TBC1D32: variants seen among roughly 807,000 people sequenced by gnomAD.
TBC1D32 encodes protein broad-minded.
In TBC1D32, 151 loss-of-function variants were observed where a neutral mutation model predicts 170.3. The ratio of observed to expected loss-of-function variants is 0.89; its 90% CI spans 0.78 to 1.01. TBC1D32 has a LOEUF of 1.01. Among genes scored for constraint, TBC1D32 ranks in the 50% least tolerant of loss-of-function variants. TBC1D32 has a pLI of 0.00. For missense variants in TBC1D32, 1,464 were observed against 1,457.1 expected (o/e 1.00, Z -0.08); for synonymous variants, 498 against 488.0 (o/e 1.02, Z -0.27).
chr6:121,296,640 T>A lies in TBC1D32; in HGVS notation c.1141-1980A>T, dbSNP rs556091898. 2.0e-5 allele frequency among the ~76,000 whole-genome samples: 3 copies of A among 152,230 alleles called. No individual in the cohort carries two copies. The South Asian group carries it at 6.2e-4, about 32-fold the overall frequency. ...CCATCCATTTATCCCAATTCTGTCT[T>A]ATCCTTCTTCCATGGTTCCATCATC... On this transcript the variant is annotated intron_variant, in intron 10 of 31. Transcript: ENST00000398212.
chr6:121,236,642 T>A (rs1042087062), intron 20 of TBC1D32, among the ~76,000 whole-genome samples: 18 of 152,230 alleles, frequency 1.2e-4, no homozygotes, highest in African/African-American at 2.9e-4. Flanking sequence ...AAATATTTTT[T>A]AAAAAATCCT....
In TBC1D32 at chr6:121,241,109, A is replaced by T. The variant is rs75096143; in HGVS notation, c.2245+356T>A. On this transcript the variant is annotated intron_variant, in intron 19 of 31. Coordinates refer to ENST00000398212, the MANE Select transcript of TBC1D32 (RefSeq NM_152730.6). Reference sequence around the variant, plus strand: ...GTAAGCCACTGACAATAAGCATTAGATAATCCTATCAGATGGGACTGTACT... The same window carrying T: ...GTAAGCCACTGACAATAAGCATTAGTTAATCCTATCAGATGGGACTGTACT... 1.6e-3 allele frequency among the ~76,000 whole-genome samples: 239 copies of T among 152,264 alleles called. 3 individuals are homozygous for T. The highest frequency in any genetic ancestry group is 0.016 in the East Asian group (81 of 5,166).
In TBC1D32 at chr6:121,158,299, T is replaced by G. The variant is rs367793686; in HGVS notation, c.2773+1711A>C. On this transcript the variant is annotated intron_variant, in intron 24 of 31. Transcript: ENST00000398212. ...CTATTCTGCTATTAATACTTCTGAC[T>G]ATGCTTTAGGACTAATTATGAAATT... Among the ~76,000 whole-genome samples the G allele has an allele frequency of 2.1e-3, 317 of 152,308 alleles. 7 individuals are homozygous for G. In the South Asian group the frequency reaches 0.037, roughly 18 times the overall value.
chr6:121,227,385 A>G (rs906804662), intron 20 of TBC1D32, among the ~76,000 whole-genome samples: 1 of 152,146 alleles, frequency 6.6e-6, no homozygotes. Flanking sequence ...ATACTTACAT[A>G]ATATAATGTA....
At chr6:121,241,393 G>A (rs1583355318) in intron 19 of TBC1D32, 72 bp downstream of exon 19, 2 of 1,296,354 alleles carry the variant, frequency 1.5e-6, no homozygotes, top group Middle Eastern at 2.0e-4. Context: ...AATTGTGCCA[G>A]TTAAATTTTC....
At chr6:121,321,464 GA>G in intron 2 of TBC1D32, among the ~76,000 whole-genome samples, 168 bp downstream of exon 2, 1 of 152,288 alleles carries the variant, frequency 6.6e-6, no homozygotes, top group Middle Eastern at 3.4e-3. Context: ...AAGGAGATGC[GA>G]AGCCTTTGGA....
intron 22 of TBC1D32, among the ~76,000 whole-genome samples, chr6:121,204,103 G>GAA (rs58589155): frequency 0.69 from 103,708 of 150,686 alleles, 41,122 homozygotes; most frequent in Non-Finnish European, 0.87. Context: ...AAATTCTACT[G>GAA]TAGTTTTTCC....
At chr6:121,171,116 C>T (rs776359260) in intron 22 of TBC1D32, among the ~76,000 whole-genome samples, 1 of 151,776 alleles carries the variant, frequency 6.6e-6, no homozygotes, top group Non-Finnish European at 1.5e-5. Context: ...GAAAACTGAA[C>T]CTCAATCTAA....
At chr6:121,102,447 C>A (rs1031299416) in intron 30 of TBC1D32, among the ~76,000 whole-genome samples, 2 of 152,164 alleles carry the variant, frequency 1.3e-5, no homozygotes, top group East Asian at 1.9e-4. Flanking sequence ...CATCTACAAC[C>A]ATCTGATCTT....
intron 20 of TBC1D32, among the ~76,000 whole-genome samples, chr6:121,232,976 T>G (rs1795928995): frequency 6.6e-6 from 1 of 152,174 alleles, no homozygotes; most frequent in African/African-American, 2.4e-5. Context: ...CAATGATCAC[T>G]TAGGAGCAGG....
rs1798961374 is a variant in TBC1D32 at position 121,256,065 on chromosome 6, GA to G, written c.1935+18del. 6.3e-7 allele frequency: 1 copy of G among 1,594,578 alleles called. No individual in the cohort carries two copies. Among genetic ancestry groups the G allele is most frequent in the Non-Finnish European group, 8.5e-7 (1 of 1,173,486 alleles). ...ATAAAGATTTGCAGGGAGAAAAAAC[GA>G]AGCTTGAAAATACTTACCTTTTTCC... On this transcript the variant is annotated intron_variant, in intron 16 of 31. Coordinates refer to ENST00000398212, the MANE Select transcript of TBC1D32 (RefSeq NM_152730.6).
chr6:121,299,570 A>G (rs1467940380), intron 9 of TBC1D32, 65 bp from the exon 10 acceptor site: 1 of 1,385,472 alleles, frequency 7.2e-7, no homozygotes, highest in South Asian at 1.3e-5. Flanking sequence ...TTTTTCCTGC[A>G]TGATTTCTAA....
chr6:121,121,400 T>C (rs138882959), intron 26 of TBC1D32, among the ~76,000 whole-genome samples: 2 of 152,140 alleles, frequency 1.3e-5, no homozygotes, highest in East Asian at 3.9e-4. Context: ...CATATTTGAA[T>C]GATGGTTTCT....
intron 21 of TBC1D32, among the ~76,000 whole-genome samples, chr6:121,215,946 T>C (rs765834672): frequency 5.3e-5 from 8 of 152,200 alleles, no homozygotes; most frequent in Non-Finnish European, 8.8e-5. Flanking sequence ...ATTGTAGCAA[T>C]TGTCCCCAAA....
At chr6:121,319,611 TTAATG>T (rs1248265263) in intron 2 of TBC1D32, among the ~76,000 whole-genome samples, 1 of 152,154 alleles carries the variant, frequency 6.6e-6, no homozygotes, top group African/African-American at 2.4e-5. Context: ...AAAGTAAATC[TTAATG>T]ATATACAGGG....
intron 22 of TBC1D32, among the ~76,000 whole-genome samples, chr6:121,168,763 A>T (rs1285142754): frequency 6.7e-6 from 1 of 148,604 alleles, no homozygotes; most frequent in Admixed American, 6.8e-5. Flanking sequence ...TTGCATTCCT[A>T]TACACCACCA....
At chr6:121,133,294 C>T (rs1485220457) in intron 24 of TBC1D32, among the ~76,000 whole-genome samples, 2 of 151,904 alleles carry the variant, frequency 1.3e-5, no homozygotes, top group Admixed American at 6.6e-5. Context: ...ATCAAAGAAG[C>T]TTTCCAGCAT....
chr6:121,155,869 A>C (rs1461014966), intron 24 of TBC1D32, among the ~76,000 whole-genome samples: 3 of 151,976 alleles, frequency 2.0e-5, no homozygotes, highest in Non-Finnish European at 4.4e-5. Context: ...ACTTGTGGTG[A>C]ATTAACTTTT....
intron 10 of TBC1D32, among the ~76,000 whole-genome samples, chr6:121,297,434 C>A (rs1308464035): frequency 1.3e-5 from 2 of 152,054 alleles, no homozygotes; most frequent in Non-Finnish European, 2.9e-5. Flanking sequence ...TTTAAAATGA[C>A]TTTCAGAGAG....
Sources: allele counts gnomAD v4.1 joint callset (sites outside exome capture counted in the v4.1 genomes callset), GRCh38; gene constraint gnomAD v4.1.1; transcripts MANE v1.5; gene names NCBI Gene and HGNC (gene_info 2026-07-23, HGNC 2026-07-21).